Variants in ADAMTSL1 observed in about 807,000 individuals in gnomAD.
ADAMTSL1 encodes the protein ADAMTS-like protein 1.
In ADAMTSL1, 126 loss-of-function variants were observed where a neutral mutation model predicts 201.8. The ratio of observed to expected loss-of-function variants is 0.62; its 90% CI spans 0.54 to 0.72. ADAMTSL1 has a LOEUF of 0.72. Ranked by LOEUF, ADAMTSL1 falls within the 30% of genes least tolerant of loss-of-function variation. The pLI, the probability that ADAMTSL1 is intolerant of heterozygous loss-of-function variation, is 0.00. For synonymous variants in ADAMTSL1, 1,121 were observed against 903.4 expected (o/e 1.24, Z -4.32); for missense variants, 2,679 against 2,277.8 (o/e 1.18, Z -3.59).
At position 18,296,115 on chromosome 9, in the gene ADAMTSL1, C is replaced by T. The variant is rs116476260; in HGVS notation, c.207+132134C>T. ...ACAGAAAATTCAGGAAATAAAGGGA[C>T]AAGTTAATGATATTTCAAGGGAAAA... On this transcript the variant is annotated intron_variant, in intron 2 of 29. Transcript: ENST00000680146. 6.5e-3 allele frequency among the ~76,000 whole-genome samples: 995 copies of T among 152,094 alleles called. 10 individuals are homozygous for T. Among genetic ancestry groups the T allele is most frequent in the African/African-American group, 0.022 (929 of 41,486 alleles).
chr9:17,930,187 G>T (rs1291235146), intron 1 of ADAMTSL1, among the ~76,000 whole-genome samples: 3 of 152,056 alleles, frequency 2.0e-5, no homozygotes, highest in African/African-American at 7.2e-5. Flanking sequence ...CTGAAGTGGG[G>T]GTAGGTGCTC....
Position 18,549,164 on chromosome 9 carries a change from T to C in ADAMTSL1, c.237+15872T>C, listed in dbSNP as rs539377789. Among the ~76,000 whole-genome samples the C allele has an allele frequency of 1.6e-4, 25 of 151,916 alleles. No individual in the cohort carries two copies. The East Asian group carries it at 3.9e-3, about 24-fold the overall frequency. On this transcript the variant is annotated intron_variant, in intron 3 of 28. Coordinates refer to ENST00000380548, the MANE Select transcript of ADAMTSL1 (RefSeq NM_001040272.6). ...AAATAAAAATACATAACCAGACATATCATGGTCAAACATCAGAAGGAGATT... is the reference window on the plus strand; with the variant it reads ...AAATAAAAATACATAACCAGACATACCATGGTCAAACATCAGAAGGAGATT...
At chr9:18,457,819 T>C (rs1162849670) in intron 2 of ADAMTSL1, among the ~76,000 whole-genome samples, 1 of 152,226 alleles carries the variant, frequency 6.6e-6, no homozygotes, top group Non-Finnish European at 1.5e-5. Flanking sequence ...TAATTGCAGT[T>C]TTCTATATGC....
intron 2 of ADAMTSL1, among the ~76,000 whole-genome samples, chr9:18,251,481 C>A (rs1362757007): frequency 6.6e-6 from 1 of 152,092 alleles, no homozygotes; most frequent in Admixed American, 6.5e-5. Flanking sequence ...AAAGGATGTA[C>A]TTCTGAATGG....
intron 9 of ADAMTSL1, among the ~76,000 whole-genome samples, chr9:18,673,425 A>T (rs543866548): frequency 5.3e-5 from 8 of 152,254 alleles, no homozygotes; most frequent in African/African-American, 1.9e-4. Flanking sequence ...CACAGGTGCT[A>T]CAGAGTCACT....
intron 2 of ADAMTSL1, among the ~76,000 whole-genome samples, chr9:18,229,951 C>G (rs1432879891): frequency 6.6e-6 from 1 of 152,132 alleles, no homozygotes; most frequent in Non-Finnish European, 1.5e-5. Flanking sequence ...CTTGCCTCAG[C>G]CTCCGTAAGT....
At chr9:18,692,815 C>T (rs1396730455) in intron 13 of ADAMTSL1, among the ~76,000 whole-genome samples, 1 of 152,148 alleles carries the variant, frequency 6.6e-6, no homozygotes, top group Non-Finnish European at 1.5e-5. Flanking sequence ...GCAGTGATAG[C>T]ATTGTAAGCT....
intron 2 of ADAMTSL1, among the ~76,000 whole-genome samples, chr9:18,520,702 G>A (rs1472105623): frequency 1.3e-5 from 2 of 152,188 alleles, no homozygotes; most frequent in East Asian, 3.9e-4. Context: ...ACTGATGGAT[G>A]ATGCCTGGCA....
chr9:18,682,203 T>A lies in ADAMTSL1; in HGVS notation c.1489+244T>A, dbSNP rs190601828. Among the ~76,000 whole-genome samples the A allele has an allele frequency of 2.6e-5, 4 of 152,320 alleles. No individual in the cohort carries two copies. In the East Asian group the frequency reaches 7.7e-4, roughly 29 times the overall value. ...AATTATCTCCCAAGTCATAAAGTTG[T>A]TTGAGGACTATTGCTGAAGAATACG... On this transcript the variant is annotated intron_variant, in intron 12 of 28. Coordinates refer to ENST00000380548, the MANE Select transcript of ADAMTSL1 (RefSeq NM_001040272.6).
intron 16 of ADAMTSL1, among the ~76,000 whole-genome samples, chr9:18,767,323 T>A (rs1162700986): frequency 1.3e-5 from 2 of 152,212 alleles, no homozygotes; most frequent in African/African-American, 2.4e-5. Context: ...GGAAGAATCT[T>A]AGTAATTCAC....
At chr9:18,582,528 G>T (rs1175974723) in intron 4 of ADAMTSL1, among the ~76,000 whole-genome samples, 1 of 152,134 alleles carries the variant, frequency 6.6e-6, no homozygotes, top group African/African-American at 2.4e-5. Flanking sequence ...TAGTGAATGA[G>T]TCTCATGAGA....
At chr9:18,772,379 T>C (rs17806050) in intron 17 of ADAMTSL1, among the ~76,000 whole-genome samples, 1,663 of 152,284 alleles carry the variant, frequency 0.011, 9 homozygotes, top group Middle Eastern at 0.037. Flanking sequence ...AAATGTTCTT[T>C]TGTGCCTGCA....
At chr9:18,722,236 T>C (rs1399125246) in intron 15 of ADAMTSL1, among the ~76,000 whole-genome samples, 2 of 152,214 alleles carry the variant, frequency 1.3e-5, no homozygotes, top group Non-Finnish European at 2.9e-5. Flanking sequence ...AGTCACAGCC[T>C]TGATTGAATT....
intron 22 of ADAMTSL1, 150 bp from the exon 23 acceptor site, chr9:18,829,693 A>G (rs1824851969): frequency 9.3e-7 from 1 of 1,072,990 alleles, no homozygotes; most frequent in Non-Finnish European, 1.3e-6. Flanking sequence ...GGACTCCTCT[A>G]TAGGAAAAAT....
intron 2 of ADAMTSL1, among the ~76,000 whole-genome samples, chr9:18,391,653 A>G (rs561757580): frequency 1.3e-5 from 2 of 152,224 alleles, no homozygotes; most frequent in East Asian, 1.9e-4. Context: ...TGCTTCTTCC[A>G]GAATCAATGT....
rs1453833739 is a variant in ADAMTSL1 at position 17,956,176 on chromosome 9, G to T, written c.87+49254G>T. Among the ~76,000 whole-genome samples, 3 of 152,092 alleles carry T rather than the reference G, an allele frequency of 2.0e-5. No homozygotes were observed. In the East Asian group the frequency reaches 5.8e-4, roughly 29 times the overall value. Reference sequence around the variant, plus strand: ...ATTTTTCATAAATACATCTTACCTTGTAGTGCTTTTTGAAGTGGCTGTAAG... The same window carrying T: ...ATTTTTCATAAATACATCTTACCTTTTAGTGCTTTTTGAAGTGGCTGTAAG... On this transcript the variant is annotated intron_variant, in intron 1 of 29. Coordinates refer to the ADAMTSL1 transcript ENST00000680146.
At chr9:18,428,823 T>A (rs898299644) in intron 2 of ADAMTSL1, among the ~76,000 whole-genome samples, 4 of 152,196 alleles carry the variant, frequency 2.6e-5, no homozygotes, top group South Asian at 2.1e-4. Context: ...TAGTGTGTAA[T>A]CCATAAAAGG....
Position 18,051,617 on chromosome 9 carries a change from T to G in ADAMTSL1, c.88-112245T>G, listed in dbSNP as rs139949753. On this transcript the variant is annotated intron_variant, in intron 1 of 29. Coordinates refer to the ADAMTSL1 transcript ENST00000680146. Reference sequence around the variant, plus strand: ...TATTCTGCAAATACAGTTAGGCTATTCATTTTTTATTTACCATGTAAATGG... The same window carrying G: ...TATTCTGCAAATACAGTTAGGCTATGCATTTTTTATTTACCATGTAAATGG... Among the ~76,000 whole-genome samples, 15 of 152,290 alleles carry G rather than the reference T, an allele frequency of 9.8e-5. No homozygotes were observed. In the East Asian group the frequency reaches 2.9e-3, roughly 29 times the overall value.
intron 4 of ADAMTSL1, among the ~76,000 whole-genome samples, chr9:18,581,762 C>G (rs981902956): frequency 2.6e-5 from 4 of 152,164 alleles, no homozygotes; most frequent in Admixed American, 2.0e-4. Flanking sequence ...CTAAGCATGT[C>G]TGATACCGAG....
Sources: gnomAD v4.1 joint callset for allele counts (sites outside exome capture counted in the v4.1 genomes callset) on GRCh38, gnomAD v4.1.1 for gene constraint, MANE v1.5 for transcripts, NCBI Gene and HGNC (gene_info 2026-07-23, HGNC 2026-07-21) for gene names.